The following DHX8 variants were observed in gnomAD, a reference collection of about 807,000 sequenced individuals.
The protein encoded by DHX8 is DEAH-box helicase 8, also known as ATP-dependent RNA helicase DHX8.
In DHX8, 67 loss-of-function variants were observed where a neutral mutation model predicts 140.7. The ratio of observed to expected loss-of-function variants is 0.48; its 90% CI spans 0.39 to 0.58. DHX8 has a LOEUF of 0.58. DHX8 is among the 20% of genes least tolerant of loss of function. DHX8 has a pLI of 0.00. For missense variants in DHX8, 887 were observed against 1,550.7 expected (o/e 0.57, Z 7.19); for synonymous variants, 533 against 553.2 (o/e 0.96, Z 0.51).
chr17:43,519,997 T>TA lies in DHX8; in HGVS notation c.2800-132dup. ...TTTTATGTGGCCCAGCCCTGGAAGT[T>TA]ACCGCCAGTCTCACCGGTGGCTTCC... On this transcript the variant is annotated intron_variant, in intron 18 of 22. Transcript: ENST00000262415. The TA allele has an allele frequency of 7.6e-6, 7 of 916,678 alleles. No homozygotes were observed. The South Asian group carries it at 7.7e-5, about 10-fold the overall frequency. 56.8% of individuals were successfully genotyped at this position (916,678 alleles called of 1,614,324 possible).
Position 43,507,825 on chromosome 17 carries a change from A to G in DHX8, c.2126A>G (p.Gln709Arg). The G allele has an allele frequency of 6.2e-7, 1 of 1,614,222 alleles. No homozygotes were observed. Among genetic ancestry groups the G allele is most frequent in the Non-Finnish European group, 8.5e-7 (1 of 1,180,034 alleles). Residue 709 changes from glutamine to arginine, a missense_variant, in exon 15 of 23, where the codon CAG (glutamine) becomes CGG (arginine). By Grantham distance (43) the Gln-to-Arg change is conservative. Coordinates refer to ENST00000262415, the MANE Select transcript of DHX8 (RefSeq NM_004941.3). The stretch of plus-strand genomic sequence containing the variant: ...TCTCTTCAGACAGTTCAGAAACGGC[A>G]GGACATGAAGCTGATTGTCACCTCA... ...GLLKKTVQKR[Q>R]DMKLIVTSAT...
At chr17:43,486,745 G>A (rs186181596) in intron 1 of DHX8, among the ~76,000 whole-genome samples, 1 of 151,964 alleles carries the variant, frequency 6.6e-6, no homozygotes, top group African/African-American at 2.4e-5. Context: ...GGGCGTGGTG[G>A]TGCACGCCTG....
At chr17:43,543,092 C>T (rs1971604430) in intron 3 of DHX8, among the ~76,000 whole-genome samples, 1 of 151,876 alleles carries the variant, frequency 6.6e-6, no homozygotes, top group Non-Finnish European at 1.5e-5. Flanking sequence ...CCTCAGCATC[C>T]CCCCCTCAGA....
chr17:43,515,333 C>T (rs1446118761), intron 17 of DHX8, among the ~76,000 whole-genome samples: 1 of 152,104 alleles, frequency 6.6e-6, no homozygotes, highest in African/African-American at 2.4e-5. Context: ...GGACTACAGG[C>T]GCATGCCGCC....
chr17:43,537,417 G>T (rs754488871), intron 3 of DHX8, among the ~76,000 whole-genome samples: 8 of 151,748 alleles, frequency 5.3e-5, no homozygotes, highest in Non-Finnish European at 7.4e-5. Context: ...GGGGTGGCTG[G>T]GCGCAGTGGT....
intron 2 of DHX8, chr17:43,536,167 C>G (rs1234401725): frequency 4.4e-5 from 22 of 496,090 alleles, no homozygotes; most frequent in Non-Finnish European, 7.6e-5. Context: ...CTCTGCTGAA[C>G]TGGCCCAGGC....
At chr17:43,531,330 T>C (rs1970925358), downstream of DHX8, among the ~76,000 whole-genome samples, 1 of 152,178 alleles carries the variant, frequency 6.6e-6, no homozygotes, top group South Asian at 2.1e-4. Context: ...CTTCGGCCCT[T>C]GAGGCTTTGA....
intron 3 of DHX8, among the ~76,000 whole-genome samples, chr17:43,543,276 A>ACACTCT (rs1555559953): frequency 5.1e-5 from 7 of 138,258 alleles, no homozygotes; most frequent in African/African-American, 1.9e-4. Context: ...ACACACACAC[A>ACACTCT]CTCTCTCTCT....
At position 43,523,797 on chromosome 17, in the gene DHX8, T is replaced by C; in HGVS notation, c.3613T>C (p.Tyr1205His). 6.2e-7 allele frequency: 1 copy of C among 1,614,158 alleles called. No individual in the cohort carries two copies. The highest frequency in any genetic ancestry group is 8.5e-7 in the Non-Finnish European group (1 of 1,180,022). Residue 1205 changes from tyrosine to histidine, a missense_variant, in exon 23 of 23, where the codon TAT (tyrosine) becomes CAT (histidine). By Grantham distance (83) the Tyr-to-His change is moderately conservative. Around this residue, in one of 9 missense-constraint regions of DHX8, gnomAD observed 14 missense variants for 56.3 expected, o/e 0.25. Transcript: ENST00000262415. ...QQRLEPLYNR[Y>H]EEPNAWRISR... ...GCGTCTTGAACCCTTGTACAACCGC[T>C]ATGAGGAACCCAATGCCTGGAGAAT... is the stretch of plus-strand genomic sequence containing the variant.
intron 8 of DHX8, among the ~76,000 whole-genome samples, chr17:43,495,771 C>A (rs972488013): frequency 6.6e-6 from 1 of 152,098 alleles, no homozygotes; most frequent in Non-Finnish European, 1.5e-5. Flanking sequence ...AACTGGGTTT[C>A]CTACATGAAA....
chr17:43,514,792 A>G (rs1970023690), intron 17 of DHX8, among the ~76,000 whole-genome samples: 1 of 152,240 alleles, frequency 6.6e-6, no homozygotes. Flanking sequence ...GTAGTTTAAT[A>G]AATTATGGTA....
chr17:43,543,248 G>A (rs1971614521), intron 3 of DHX8, among the ~76,000 whole-genome samples: 1 of 112,698 alleles, frequency 8.9e-6, no homozygotes, highest in South Asian at 2.9e-4. Context: ...AAATGTACAG[G>A]GCAGCAGCAT....
rs1598133953 is a variant in DHX8 at position 43,496,801 on chromosome 17, T to C, written c.1300+533T>C. On this transcript the variant is annotated intron_variant, in intron 9 of 22. Transcript: ENST00000262415. Reference sequence around the variant, plus strand: ...TCAAAAAAAAAAAGCTTTCAGGATATAAAAAGTTATAATTGTATTTTTGGG... The same window carrying C: ...TCAAAAAAAAAAAGCTTTCAGGATACAAAAAGTTATAATTGTATTTTTGGG... Among the ~76,000 whole-genome samples the C allele has an allele frequency of 2.6e-5, 4 of 151,882 alleles. No homozygotes were observed. In the South Asian group the frequency reaches 8.3e-4, roughly 32 times the overall value.
rs889643141 is a variant in DHX8 at position 43,533,814 on chromosome 17, T to C, written c.351-2598T>C. 1.9e-6 allele frequency: 3 copies of C among 1,599,594 alleles called. No individual in the cohort carries two copies. The African/African-American group carries it at 4.1e-5, about 22-fold the overall frequency. On this transcript the variant is annotated intron_variant, in intron 2 of 3. Transcript: ENST00000589898. ...ATGGGTGCCCCCTGCCTCCCTCCTC[T>C]GGAACCCTTCTCCTACCCTTCACCA...
chr17:43,499,039 G>A, intron 10 of DHX8, 80 bp downstream of exon 10: 1 of 1,055,562 alleles, frequency 9.5e-7, no homozygotes, highest in Non-Finnish European at 1.4e-6. Flanking sequence ...TATTAGATCT[G>A]CGTAAGTAGA....
chr17:43,507,355 T>C, intron 13 of DHX8, 148 bp from the exon 14 acceptor site: 1 of 1,086,616 alleles, frequency 9.2e-7, no homozygotes, highest in East Asian at 2.6e-5. Flanking sequence ...GAGTATAGTC[T>C]AAGACATACC....
intron 17 of DHX8, among the ~76,000 whole-genome samples, chr17:43,516,859 C>G (rs540550100): frequency 2.9e-4 from 44 of 152,308 alleles, no homozygotes; most frequent in African/African-American, 1.1e-3. Flanking sequence ...GTTCTGTCAT[C>G]TTGTTTTATG....
At chr17:43,485,832 A>G (rs1968109111) in intron 1 of DHX8, among the ~76,000 whole-genome samples, 1 of 152,262 alleles carries the variant, frequency 6.6e-6, no homozygotes, top group Admixed American at 6.5e-5. Flanking sequence ...AAAGATCTCA[A>G]TTAATTTGCA....
rs1291130223 is a variant in DHX8, at chr17:43,521,375, C to T, written c.3073C>T (p.Gln1025Ter). The T allele has an allele frequency of 1.2e-6, 2 of 1,610,858 alleles. No individual in the cohort carries two copies. The highest frequency in any genetic ancestry group is 1.7e-6 in the Non-Finnish European group (2 of 1,178,144). The change falls in exon 21 of 23, where the codon CAA becomes TAA. Residue 1025 changes from glutamine (Q) to a stop codon, truncating the protein, a stop_gained. Transcript: ENST00000262415. LOFTEE classifies it high-confidence loss of function. ...QNVFYRPKDK[Q>*]ALADQKKAKF... ...CTGTCCCACTGCTTGGCAGGATAAA[C>T]AAGCCCTTGCAGATCAGAAGAAGGC...
Sources: gnomAD v4.1 joint callset for allele counts (sites outside exome capture counted in the v4.1 genomes callset) on GRCh38, gnomAD v4.1.1 for gene constraint, gnomAD v4.1.1 regional missense constraint, MANE v1.5 for transcripts, NCBI Gene and HGNC (gene_info 2026-07-23, HGNC 2026-07-21) for gene names.